Variants in CSNK2A2IP observed in about 807,000 individuals in gnomAD.
The protein encoded by CSNK2A2IP is casein kinase 2 subunit alpha' interacting protein.
the CSNK2A2IP span, among the ~76,000 whole-genome samples, chr3:88,380,418 A>G: frequency 2.6e-5 from 4 of 151,756 alleles, no homozygotes; most frequent in Admixed American, 6.6e-5. Context: ...AAGGGCACAA[A>G]CTATGTTTTA....
the CSNK2A2IP span, among the ~76,000 whole-genome samples, chr3:88,410,499 C>A: frequency 6.6e-6 from 1 of 151,974 alleles, no homozygotes; most frequent in African/African-American, 2.4e-5. Flanking sequence ...TCTTTTAAAG[C>A]AGCTTATCTT....
chr3:88,424,624 T>C, the CSNK2A2IP span, among the ~76,000 whole-genome samples: 2 of 152,162 alleles, frequency 1.3e-5, no homozygotes, highest in Non-Finnish European at 2.9e-5. Flanking sequence ...GATTTCTATG[T>C]CTGTAAGAAG....
At chr3:88,412,329 G>A in the CSNK2A2IP span, among the ~76,000 whole-genome samples, 2 of 152,078 alleles carry the variant, frequency 1.3e-5, no homozygotes, top group East Asian at 3.9e-4. Context: ...GGAGGGGAAA[G>A]GCCTTCTACT....
the CSNK2A2IP span, among the ~76,000 whole-genome samples, chr3:88,415,464 T>A: frequency 6.6e-6 from 1 of 151,976 alleles, no homozygotes; most frequent in Admixed American, 6.5e-5. Flanking sequence ...AGGTAGAAAC[T>A]GATTTTGACG....
At chr3:88,400,832 G>A in the CSNK2A2IP span, among the ~76,000 whole-genome samples, 1 of 152,172 alleles carries the variant, frequency 6.6e-6, no homozygotes, top group Non-Finnish European at 1.5e-5. Context: ...GTGGCACATT[G>A]TTATATAAGC....
At chr3:88,420,401 T>C in the CSNK2A2IP span, among the ~76,000 whole-genome samples, 1 of 152,170 alleles carries the variant, frequency 6.6e-6, no homozygotes, top group East Asian at 1.9e-4. Flanking sequence ...TACTTTGTTG[T>C]CATGTGAAAT....
the CSNK2A2IP span, among the ~76,000 whole-genome samples, chr3:88,376,352 A>G: frequency 4.7e-3 from 709 of 151,848 alleles, 3 homozygotes; most frequent in African/African-American, 0.017. Context: ...GGCACTCAGC[A>G]AATATATTTT....
the CSNK2A2IP span, among the ~76,000 whole-genome samples, chr3:88,404,612 AG>A: frequency 1.6e-5 from 2 of 122,562 alleles, no homozygotes; most frequent in South Asian, 2.9e-4. Flanking sequence ...CTCTCTTTCT[AG>A]AAACACGACT....
the CSNK2A2IP span, among the ~76,000 whole-genome samples, chr3:88,396,858 C>G: frequency 6.6e-6 from 1 of 151,990 alleles, no homozygotes; most frequent in African/African-American, 2.4e-5. Flanking sequence ...CAGCAATAGT[C>G]CAAAGTGGTG....
chr3:88,449,050 C>T, the CSNK2A2IP span, among the ~76,000 whole-genome samples: 1 of 152,056 alleles, frequency 6.6e-6, no homozygotes, highest in Non-Finnish European at 1.5e-5. Flanking sequence ...CTCTCCCTTT[C>T]TTCTTCTCTC....
chr3:88,446,030 T>TTTTCTTTCTTTCTTTTC, the CSNK2A2IP span, among the ~76,000 whole-genome samples: 1 of 58,092 alleles, frequency 1.7e-5, no homozygotes, highest in African/African-American at 5.1e-5. Context: ...TCTTTGTTTC[T>TTTTCTTTCTTTCTTTTC]TTTCTTTCTT....
chr3:88,354,112 G>A, the CSNK2A2IP span, among the ~76,000 whole-genome samples: 1 of 152,164 alleles, frequency 6.6e-6, no homozygotes, highest in Non-Finnish European at 1.5e-5. Flanking sequence ...CTTTCATGAT[G>A]ACTGGAAGTT....
the CSNK2A2IP span, among the ~76,000 whole-genome samples, chr3:88,360,511 T>C: frequency 6.6e-6 from 1 of 152,256 alleles, no homozygotes; most frequent in South Asian, 2.1e-4. Flanking sequence ...TTCATTTGCA[T>C]AGAACATCTT....
the CSNK2A2IP span, among the ~76,000 whole-genome samples, chr3:88,394,097 T>G: frequency 6.6e-6 from 1 of 152,140 alleles, no homozygotes; most frequent in Non-Finnish European, 1.5e-5. Flanking sequence ...AGTTAGAAGG[T>G]GTAGAGAGCA....
the CSNK2A2IP span, among the ~76,000 whole-genome samples, chr3:88,397,126 C>T: frequency 6.6e-6 from 1 of 152,010 alleles, no homozygotes; most frequent in African/African-American, 2.4e-5. Context: ...AAACATTTAC[C>T]GCCCAATAGG....
At chr3:88,380,733 A>G in the CSNK2A2IP span, among the ~76,000 whole-genome samples, 3 of 152,146 alleles carry the variant, frequency 2.0e-5, no homozygotes, top group Non-Finnish European at 4.4e-5. Context: ...CAAGAAAGGA[A>G]CATAATAACT....
the CSNK2A2IP span, among the ~76,000 whole-genome samples, chr3:88,419,993 C>A: frequency 1.3e-5 from 2 of 152,156 alleles, no homozygotes; most frequent in Non-Finnish European, 1.5e-5. Context: ...CCTATTCCCA[C>A]CACATAGAAT....
chr3:88,377,942 A>G, the CSNK2A2IP span, among the ~76,000 whole-genome samples: 18 of 151,962 alleles, frequency 1.2e-4, no homozygotes, highest in African/African-American at 4.1e-4. Flanking sequence ...TATCAATGAT[A>G]TAACAGATTT....
At chr3:88,375,595 T>C in the CSNK2A2IP span, among the ~76,000 whole-genome samples, 7 of 151,652 alleles carry the variant, frequency 4.6e-5, no homozygotes, top group East Asian at 1.9e-4. Context: ...TTCAAATGTA[T>C]GTAAAATAAC....
Sources: allele counts gnomAD v4.1 joint callset (sites outside exome capture counted in the v4.1 genomes callset), GRCh38; gene constraint gnomAD v4.1.1; transcripts MANE v1.5; gene names NCBI Gene and HGNC (gene_info 2026-07-23, HGNC 2026-07-21).